Variants in GRID2 observed in about 807,000 individuals in gnomAD.
GRID2 encodes glutamate ionotropic receptor delta type subunit 2, also known as glutamate receptor ionotropic, delta-2.
GRID2 carries 33 observed loss-of-function variants against 114.8 expected under a neutral mutation model. The observed-to-expected ratio is 0.29, with a 90% confidence interval of 0.22 to 0.38. The LOEUF is 0.38. Ranked by LOEUF, GRID2 falls within the 10% of genes least tolerant of loss-of-function variation. GRID2 has a pLI of 1.00. For synonymous variants in GRID2, 505 were observed against 449.9 expected (o/e 1.12, Z -1.55); for missense variants, 1,184 against 1,257.7 (o/e 0.94, Z 0.89).
At chr4:93,343,246 A>G (rs909790899) in intron 8 of GRID2, among the ~76,000 whole-genome samples, 2 of 151,906 alleles carry the variant, frequency 1.3e-5, no homozygotes, top group Non-Finnish European at 2.9e-5. Flanking sequence ...GAAATAATAT[A>G]ATTGGCTATG....
intron 2 of GRID2, among the ~76,000 whole-genome samples, chr4:92,686,243 A>T (rs891372652): frequency 2.0e-5 from 3 of 152,066 alleles, no homozygotes; most frequent in Non-Finnish European, 4.4e-5. Context: ...CCCATAGAGA[A>T]AGCACATCAC....
At chr4:93,064,541 T>A (rs1023225656) in intron 2 of GRID2, among the ~76,000 whole-genome samples, 7 of 151,882 alleles carry the variant, frequency 4.6e-5, no homozygotes, top group Non-Finnish European at 1.0e-4. Context: ...TTTTCTTCCA[T>A]GTTGTTTCTC....
chr4:93,232,887 A>G (rs921600503), intron 7 of GRID2, among the ~76,000 whole-genome samples: 3 of 152,162 alleles, frequency 2.0e-5, no homozygotes, highest in South Asian at 4.1e-4. Context: ...GAATACTACC[A>G]TATGTTGTAC....
intron 2 of GRID2, among the ~76,000 whole-genome samples, chr4:92,718,679 C>T (rs1735663254): frequency 1.4e-5 from 2 of 139,238 alleles, no homozygotes; most frequent in South Asian, 4.9e-4. Flanking sequence ...AGGAAGATTG[C>T]TTGAACCCAG....
intron 14 of GRID2, among the ~76,000 whole-genome samples, chr4:93,765,496 C>T (rs1035664596): frequency 6.6e-6 from 1 of 151,796 alleles, no homozygotes; most frequent in South Asian, 2.1e-4. Context: ...TCCTTCTTTC[C>T]CCTCGATGAT....
At chr4:93,169,837 A>G (rs1738623027) in intron 4 of GRID2, among the ~76,000 whole-genome samples, 1 of 152,202 alleles carries the variant, frequency 6.6e-6, no homozygotes, top group African/African-American at 2.4e-5. Context: ...TGCAGGAATC[A>G]AGAAAACAAT....
intron 13 of GRID2, among the ~76,000 whole-genome samples, chr4:93,600,859 C>G (rs528515212): frequency 1.3e-5 from 2 of 152,182 alleles, no homozygotes; most frequent in Non-Finnish European, 2.9e-5. Context: ...TACTGATACA[C>G]AAACCAGTTG....
chr4:93,721,920 CTTTTTTTT>C lies in GRID2; in HGVS notation c.2361-47281_2361-47274del, dbSNP rs5860343. 3.0e-5 allele frequency among the ~76,000 whole-genome samples: 4 copies of C among 132,594 alleles called. No homozygotes were observed. In the South Asian group the frequency reaches 9.5e-4, roughly 31 times the overall value. 87.0% of individuals were successfully genotyped at this position (132,594 alleles called of 152,430 possible). A position where few individuals can be genotyped will look rare whatever the true frequency, so the allele number is the denominator to read the frequency against. Reference sequence around the variant, plus strand: ...AAGAGGAGAAAATAATTTCTTTTTTCTTTTTTTTTTTTTTTTGAGACGGAATCTTGCTC... The same window carrying C: ...AAGAGGAGAAAATAATTTCTTTTTTCTTTTTTTTGAGACGGAATCTTGCTC... On this transcript the variant is annotated intron_variant, in intron 14 of 15. Transcript: ENST00000282020.
chr4:92,779,868 CT>C (rs1738987282), intron 2 of GRID2, among the ~76,000 whole-genome samples: 1 of 152,076 alleles, frequency 6.6e-6, no homozygotes, highest in Non-Finnish European at 1.5e-5. Flanking sequence ...ATTATTTTTG[CT>C]TCTCTTTAGA....
At chr4:92,376,486 A>C (rs1305993074) in intron 1 of GRID2, among the ~76,000 whole-genome samples, 1 of 151,920 alleles carries the variant, frequency 6.6e-6, no homozygotes, top group Non-Finnish European at 1.5e-5. Flanking sequence ...TGGCTTTTCC[A>C]GGCATATGGT....
intron 1 of GRID2, among the ~76,000 whole-genome samples, chr4:92,339,468 A>G (rs1313598196): frequency 1.3e-5 from 2 of 152,184 alleles, no homozygotes; most frequent in Admixed American, 6.5e-5. Context: ...TGAAAGTGGT[A>G]CCATTTATCG....
chr4:92,391,456 A>T (rs1730234966), intron 1 of GRID2, among the ~76,000 whole-genome samples: 1 of 152,100 alleles, frequency 6.6e-6, no homozygotes, highest in African/African-American at 2.4e-5. Flanking sequence ...ATTAGTAGAA[A>T]ATTATGGCAT....
intron 2 of GRID2, among the ~76,000 whole-genome samples, chr4:92,951,785 A>G (rs958770710): frequency 2.0e-5 from 3 of 152,204 alleles, no homozygotes; most frequent in East Asian, 1.9e-4. Flanking sequence ...CTAATTTTCT[A>G]TCCTTTCTAA....
rs527744819 is a variant in GRID2 at position 92,700,998 on chromosome 4, A to AAACAAAAC, written c.244+110714_244+110715insCAAAACAA. ...GACAGAGCGAGACTCCATCTCAAAA[A>AAACAAAAC]AAAAAAAAAAAAGACACATACATTA... On this transcript the variant is annotated intron_variant, in intron 2 of 15. Transcript: ENST00000282020. 4.4e-3 allele frequency among the ~76,000 whole-genome samples: 584 copies of AAACAAAAC among 132,956 alleles called. 2 individuals carry two copies. The highest frequency in any genetic ancestry group is 0.014 in the African/African-American group (558 of 39,572). 87.2% of individuals were successfully genotyped at this position (132,956 alleles called of 152,430 possible).
rs549414290 is a variant in GRID2 at position 93,253,466 on chromosome 4, A to G, written c.1245+14976A>G. Among the ~76,000 whole-genome samples the G allele has an allele frequency of 5.9e-5, 9 of 152,262 alleles. No individual in the cohort carries two copies. The South Asian group carries it at 1.7e-3, about 28-fold the overall frequency. On this transcript the variant is annotated intron_variant, in intron 8 of 15. Coordinates refer to ENST00000282020, the MANE Select transcript of GRID2 (RefSeq NM_001510.4). ...AAAATTTATTGCTACTTAGATTTTAATTATAATTAATGTAAAATAATGTAC... is the reference window on the plus strand; with the variant it reads ...AAAATTTATTGCTACTTAGATTTTAGTTATAATTAATGTAAAATAATGTAC...
chr4:93,796,723 T>A (rs1032178527), intron 1 of GRID2, among the ~76,000 whole-genome samples: 17 of 152,224 alleles, frequency 1.1e-4, no homozygotes, highest in African/African-American at 3.9e-4. Flanking sequence ...TTTATTAATA[T>A]TATTTTTAGT....
At chr4:93,533,076 T>TCATC (rs1231089376) in intron 13 of GRID2, among the ~76,000 whole-genome samples, 2 of 152,302 alleles carry the variant, frequency 1.3e-5, no homozygotes, top group South Asian at 2.1e-4. Context: ...TCTCTATTAG[T>TCATC]CATCCAGCAA....
At chr4:92,411,663 A>G (rs1453212412) in intron 1 of GRID2, among the ~76,000 whole-genome samples, 28 of 134,104 alleles carry the variant, frequency 2.1e-4, no homozygotes, top group African/African-American at 8.2e-4. Context: ...GTGTATATAT[A>G]TATATATATA....
chr4:92,522,515 TCA>T, intron 1 of GRID2, among the ~76,000 whole-genome samples: 1 of 151,980 alleles, frequency 6.6e-6, no homozygotes. Flanking sequence ...TGACTAAATT[TCA>T]CAAAGTGCAA....
Sources: gnomAD v4.1 joint callset for allele counts (sites outside exome capture counted in the v4.1 genomes callset) on GRCh38, gnomAD v4.1.1 for gene constraint, MANE v1.5 for transcripts, NCBI Gene and HGNC (gene_info 2026-07-23, HGNC 2026-07-21) for gene names.